Variants in GBF1 observed in about 807,000 individuals in gnomAD.
The protein encoded by GBF1 is Golgi-specific brefeldin A-resistance guanine nucleotide exchange factor 1.
GBF1 carries 114 observed loss-of-function variants against 210.5 expected under a neutral mutation model. The observed-to-expected ratio is 0.54, with a 90% CI of 0.47 to 0.63. The LOEUF (loss-of-function observed/expected upper bound fraction) is 0.63, where lower values mean the gene tolerates loss of function less well. Ranked by LOEUF, GBF1 falls within the 30% of genes least tolerant of loss-of-function variation. The pLI is 0.00. For synonymous variants in GBF1, 850 were observed against 889.2 expected (o/e 0.96, Z 0.78); for missense variants, 1,851 against 2,357.7 (o/e 0.79, Z 4.45).
At chr10:102,306,415 CTCTT>C (rs1406887988) in intron 3 of GBF1, among the ~76,000 whole-genome samples, 2 of 151,976 alleles carry the variant, frequency 1.3e-5, no homozygotes, top group Non-Finnish European at 2.9e-5. Context: ...GAGGGACTGT[CTCTT>C]TATTTGTTTT....
Position 102,252,671 on chromosome 10 carries a change from G to A in GBF1, c.-10-6258G>A, listed in dbSNP as rs528737355. The stretch of plus-strand genomic sequence containing the variant: ...ACCAGCCTGGGCAACATGGCAAAAT[G>A]TTGTCTCTACAAAAAATACAAAAAA... On this transcript the variant is annotated intron_variant, in intron 1 of 39. Transcript: ENST00000369983. Among the ~76,000 whole-genome samples, 55 of 152,056 alleles carry A rather than the reference G, an allele frequency of 3.6e-4. 1 individual carries two copies. Among genetic ancestry groups the A allele is most frequent in the Non-Finnish European group, 6.2e-4 (42 of 67,976 alleles).
At chr10:102,278,041 G>A (rs992670909) in intron 3 of GBF1, among the ~76,000 whole-genome samples, 1 of 152,062 alleles carries the variant, frequency 6.6e-6, no homozygotes, top group African/African-American at 2.4e-5. Context: ...AGGGTTGCTT[G>A]AGGCCAGGAG....
intron 7 of GBF1, among the ~76,000 whole-genome samples, chr10:102,353,251 C>T (rs1565148018): frequency 6.6e-6 from 1 of 152,130 alleles, no homozygotes; most frequent in Non-Finnish European, 1.5e-5. Flanking sequence ...CTTTTGCCCA[C>T]TCTCCTAGGG....
At chr10:102,294,343 T>G (rs923585406) in intron 3 of GBF1, among the ~76,000 whole-genome samples, 2 of 152,028 alleles carry the variant, frequency 1.3e-5, no homozygotes, top group African/African-American at 4.8e-5. Flanking sequence ...CCATTCATTC[T>G]AAGTACCCAG....
intron 4 of GBF1, 97 bp downstream of exon 4, chr10:102,344,279 AT>A: frequency 9.2e-7 from 1 of 1,088,034 alleles, no homozygotes; most frequent in Non-Finnish European, 1.4e-6. Context: ...ATAGTGGGAA[AT>A]TTTTTCCAGT....
At chr10:102,243,238 C>T (rs571259488), upstream of GBF1, among the ~76,000 whole-genome samples, 1 of 152,284 alleles carries the variant, frequency 6.6e-6, no homozygotes, top group African/African-American at 2.4e-5. Flanking sequence ...CAGTTTAGCC[C>T]CTTGCTCTCA....
At chr10:102,276,338 A>C (rs2074961503) in intron 3 of GBF1, among the ~76,000 whole-genome samples, 1 of 152,004 alleles carries the variant, frequency 6.6e-6, no homozygotes, top group Non-Finnish European at 1.5e-5. Context: ...CATCCTGGCT[A>C]ACACGGTGAA....
intron 3 of GBF1, among the ~76,000 whole-genome samples, chr10:102,306,878 A>G (rs536234528): frequency 9.0e-4 from 137 of 152,336 alleles, no homozygotes; most frequent in Non-Finnish European, 1.5e-3. Context: ...CTGACCTGTG[A>G]ACTGATCCAT....
intron 8 of GBF1, among the ~76,000 whole-genome samples, chr10:102,357,782 G>A (rs1169852406): frequency 3.3e-5 from 5 of 152,150 alleles, no homozygotes; most frequent in Non-Finnish European, 5.9e-5. Flanking sequence ...TAAGTGTGAG[G>A]ACTGGCCCTA....
chr10:102,287,730 G>A (rs916755140), intron 3 of GBF1, among the ~76,000 whole-genome samples: 2 of 152,208 alleles, frequency 1.3e-5, no homozygotes, highest in African/African-American at 4.8e-5. Flanking sequence ...ATCTGAGAGA[G>A]AGCAGAAGCC....
In GBF1 at chr10:102,359,291, T is replaced by G; in HGVS notation, c.1036T>G (p.Ser346Ala). The G allele has an allele frequency of 3.7e-6, 6 of 1,612,910 alleles. No homozygotes were observed. The highest frequency in any genetic ancestry group is 1.3e-5 in the African/African-American group (1 of 75,010). ...GCAGGAAGGGACCCATGTGGAAAAG[T>G]CCCAGTCAGCATCTGTGGAGTCCAT... Reference protein sequence around the residue: ...LQQEGTHVEKSQSASVESIPE... With the variant: ...LQQEGTHVEKAQSASVESIPE... The change falls in exon 11 of 40, where the codon TCC (serine) becomes GCC (alanine). Residue 346 changes from serine to alanine, a missense_variant. By Grantham distance (99) the Ser-to-Ala change is moderately conservative. Around this residue, in one of 3 missense-constraint regions of GBF1, gnomAD observed 804 missense variants for 958.6 expected, o/e 0.84. Transcript: ENST00000369983.
chr10:102,362,766 G>A (rs2135071893), intron 15 of GBF1, 102 bp downstream of exon 15: 2 of 832,386 alleles, frequency 2.4e-6, no homozygotes, highest in East Asian at 2.5e-5. Context: ...CCCCTGGGAT[G>A]CTCCCAATTC....
chr10:102,274,163 G>A (rs1331912713), intron 3 of GBF1, among the ~76,000 whole-genome samples: 1 of 152,176 alleles, frequency 6.6e-6, no homozygotes, highest in Non-Finnish European at 1.5e-5. Context: ...TAGTGGGCTG[G>A]TGATTTGAGA....
At chr10:102,299,439 T>A (rs1043280764) in intron 3 of GBF1, among the ~76,000 whole-genome samples, 2 of 152,130 alleles carry the variant, frequency 1.3e-5, no homozygotes, top group Non-Finnish European at 2.9e-5. Context: ...TCATAGATAA[T>A]ACGCTTCCCC....
Position 102,344,054 on chromosome 10 carries a change from T to A in GBF1, c.167T>A (p.Leu56His). ...ATTTCTGTGTATTTTCTTGCAGAAC[T>A]CTCAGAAATTGAGCCCAATGTATTC... ...LKEVLNSITE[L>H]SEIEPNVFLR... The change falls in exon 4 of 40, where the codon CTC becomes CAC. Residue 56 changes from leucine (L) to histidine (H), a missense_variant. By Grantham distance (99) the Leu-to-His change is moderately conservative. Coordinates refer to ENST00000369983, the MANE Select transcript of GBF1 (RefSeq NM_001377137.1). 1.2e-6 allele frequency: 2 copies of A among 1,611,908 alleles called. No homozygotes were observed. The highest frequency in any genetic ancestry group is 1.3e-5 in the African/African-American group (1 of 75,030).
intron 3 of GBF1, among the ~76,000 whole-genome samples, chr10:102,343,161 A>G (rs1323638950): frequency 4.6e-5 from 7 of 152,216 alleles, no homozygotes; most frequent in African/African-American, 1.7e-4. Flanking sequence ...GACTGCCTCC[A>G]TGACTAAGAG....
intron 3 of GBF1, among the ~76,000 whole-genome samples, chr10:102,332,663 C>T (rs1323346041): frequency 1.3e-5 from 2 of 152,074 alleles, no homozygotes; most frequent in East Asian, 1.9e-4. Context: ...GGATAACAAG[C>T]GTGAGCCACC....
At chr10:102,232,654 C>T in the GBF1 span, among the ~76,000 whole-genome samples, 12 of 152,308 alleles carry the variant, frequency 7.9e-5, no homozygotes, top group Non-Finnish European at 2.9e-5. Flanking sequence ...TGCACTCCAG[C>T]CTGGGTGACA....
In GBF1 at chr10:102,370,429, G is replaced by T; in HGVS notation, c.3457G>T (p.Asp1153Tyr). ...AGATGAAGAGACATATGATGAGGAA[G>T]ATGCTGCTTTCTGCCTAGAGATGCT... is the stretch of plus-strand genomic sequence containing the variant. ...TPDEETYDEEDAAFCLEMLLR... is the reference protein window; with the variant it reads ...TPDEETYDEEYAAFCLEMLLR... Residue 1153 changes from aspartate (D) to tyrosine (Y), a missense_variant, in exon 28 of 40, where the codon GAT becomes TAT. Transcript: ENST00000369983. 1 of 1,613,660 alleles carries T rather than the reference G, an allele frequency of 6.2e-7. No homozygotes were observed. Among genetic ancestry groups the T allele is most frequent in the Non-Finnish European group, 8.5e-7 (1 of 1,179,522 alleles).
Sources: gnomAD v4.1 joint callset for allele counts (sites outside exome capture counted in the v4.1 genomes callset) on GRCh38, gnomAD v4.1.1 for gene constraint, gnomAD v4.1.1 regional missense constraint, MANE v1.5 for transcripts, NCBI Gene and HGNC (gene_info 2026-07-23, HGNC 2026-07-21) for gene names.